Variants in PCK2 observed in about 807,000 individuals in gnomAD.
The protein encoded by PCK2 is phosphoenolpyruvate carboxykinase 2, mitochondrial, also known as phosphoenolpyruvate carboxykinase [GTP], mitochondrial.
In PCK2, 56 loss-of-function variants were observed where a neutral mutation model predicts 65.9. The ratio of observed to expected loss-of-function variants is 0.85; its 90% CI spans 0.69 to 1.06. The LOEUF is 1.06. Ranked by LOEUF, PCK2 falls within the 50% of genes least tolerant of loss-of-function variation. The probability of loss-of-function intolerance (pLI) is 0.00; values close to 1 mark genes in which losing one functional copy is unlikely to be tolerated. For missense variants in PCK2, 843 were observed against 863.1 expected, an observed-to-expected ratio of 0.98 and a Z score of 0.29; for synonymous variants, 305 against 319.6, an observed-to-expected ratio of 0.95 and a Z score of 0.49.
At chr14:24,099,333 C>G in intron 5 of PCK2, 97 bp downstream of exon 5, 6 of 1,253,068 alleles carry the variant, frequency 4.8e-6, no homozygotes, top group Non-Finnish European at 6.6e-6. Context: ...TGCCAGGTGC[C>G]AGGCTGGTGG....
chr14:24,099,505 A>G (rs1381827128), intron 5 of PCK2, 53 bp from the exon 6 acceptor site: 1 of 1,517,576 alleles, frequency 6.6e-7, no homozygotes, highest in Non-Finnish European at 8.9e-7. Context: ...CATGCAGACC[A>G]TGCCCTGACT....
Position 24,102,160 on chromosome 14 carries a change from G to A in PCK2, c.1235-593G>A, listed in dbSNP as rs142045881. 2.9e-3 allele frequency among the ~76,000 whole-genome samples: 434 copies of A among 152,168 alleles called. 1 individual carries two copies. The highest frequency in any genetic ancestry group is 9.9e-3 in the African/African-American group (410 of 41,514). ...GGAGAATTGTTTGAACCTGGGAGGCGGAGGTTGCAGTAAGCCAAGATTGCA... is the reference window on the plus strand; with the variant it reads ...GGAGAATTGTTTGAACCTGGGAGGCAGAGGTTGCAGTAAGCCAAGATTGCA... On this transcript the variant is annotated intron_variant, in intron 7 of 9. Transcript: ENST00000216780.
chr14:24,098,998 C>T (rs1404938515), intron 4 of PCK2, 51 bp from the exon 5 acceptor site: 1 of 1,436,854 alleles, frequency 7.0e-7, no homozygotes, highest in Non-Finnish European at 9.6e-7. Flanking sequence ...GGCCCCGACA[C>T]CCCAGTTCCT....
chr14:24,096,307 C>T (rs538604245), intron 1 of PCK2, among the ~76,000 whole-genome samples: 7 of 131,924 alleles, frequency 5.3e-5, no homozygotes, highest in East Asian at 2.5e-4. Context: ...GTCCCGATCT[C>T]GGCTCACTGC....
intron 7 of PCK2, 63 bp from the exon 8 acceptor site, chr14:24,102,690 G>A (rs1461569211): frequency 7.3e-7 from 1 of 1,379,216 alleles, no homozygotes; most frequent in African/African-American, 1.4e-5. Context: ...GTGTGCCCAT[G>A]TATGTGTGTG....
intron 2 of PCK2, among the ~76,000 whole-genome samples, chr14:24,097,390 A>G (rs1265294387): frequency 2.0e-5 from 2 of 100,876 alleles, no homozygotes; most frequent in African/African-American, 6.1e-5. Flanking sequence ...GTCTCTACTG[A>G]AAAAAAAAAA....
Position 24,099,073 on chromosome 14 carries a change from G to A in PCK2, c.689G>A (p.Cys230Tyr). 6.2e-7 allele frequency: 1 copy of A among 1,606,032 alleles called. No individual in the cohort carries two copies. The change falls in exon 5 of 10, where the codon TGC (cysteine) becomes TAC (tyrosine). Residue 230 changes from cysteine (C) to tyrosine (Y), a missense_variant. Physicochemically the swap from Cys to Tyr is radical, Grantham distance 194. Coordinates refer to ENST00000216780, the MANE Select transcript of PCK2 (RefSeq NM_004563.4). ...GQGEPVSQWP[C>Y]NPEKTLIGHV... is the part of the protein sequence containing the mutation. The stretch of plus-strand genomic sequence containing the variant: ...GGGGAGCCAGTGAGCCAGTGGCCGT[G>A]CAACCCAGAGAAAACCCTGATTGGC...
rs2037030900 is a variant in PCK2, at chr14:24,099,044, C to G, written c.665-5C>G. The G allele has an allele frequency of 1.3e-6, 2 of 1,596,672 alleles. No individual in the cohort carries two copies. The highest frequency in any genetic ancestry group is 2.7e-5 in the African/African-American group (2 of 74,662). On this transcript the variant is annotated splice_region_variant and splice_polypyrimidine_tract_variant and intron_variant, in intron 4 of 9. Transcript: ENST00000216780. ...CCAGCAGCCCCATGACCCCATTGTCCCCAGGGGAGCCAGTGAGCCAGTGGC... is the reference window on the plus strand; with the variant it reads ...CCAGCAGCCCCATGACCCCATTGTCGCCAGGGGAGCCAGTGAGCCAGTGGC...
chr14:24,102,610 C>T lies in PCK2; in HGVS notation c.1235-143C>T, dbSNP rs747172475. ...CTTGGAGATGCCCTGGCTCCCCTCT[C>T]TCTGCTCCTTATCACACAAGGTTCT... On this transcript the variant is annotated intron_variant, in intron 7 of 9. Transcript: ENST00000216780. 157 of 686,206 alleles carry T rather than the reference C, an allele frequency of 2.3e-4. 1 individual carries two copies. The highest frequency in any genetic ancestry group is 3.6e-4 in the Non-Finnish European group (145 of 404,002). 42.5% of individuals were successfully genotyped at this position (686,206 alleles called of 1,614,324 possible).
Position 24,103,639 on chromosome 14 carries a change from A to C in PCK2, c.1598A>C (p.Asn533Thr), listed in dbSNP as rs547986349. ...GAQLPRIFHV[N>T]WFRRDEAGHF... ...CAGCTGCCCCGTATCTTCCATGTCAACTGGTTCCGGCGTGACGAGGCAGGG... is the reference window on the plus strand; with the variant it reads ...CAGCTGCCCCGTATCTTCCATGTCACCTGGTTCCGGCGTGACGAGGCAGGG... Residue 533 changes from asparagine (N) to threonine (T), a missense_variant, in exon 10 of 10, where the codon AAC (asparagine) becomes ACC (threonine). Physicochemically the swap from Asn to Thr is moderately conservative, Grantham distance 65. Coordinates refer to ENST00000216780, the MANE Select transcript of PCK2 (RefSeq NM_004563.4). 5 of 1,614,022 alleles carry C rather than the reference A, an allele frequency of 3.1e-6. No individual in the cohort carries two copies. Among genetic ancestry groups the C allele is most frequent in the African/African-American group, 2.7e-5 (2 of 74,932 alleles).
At chr14:24,100,769 G>A (rs951963412) in intron 7 of PCK2, among the ~76,000 whole-genome samples, 29 of 152,076 alleles carry the variant, frequency 1.9e-4, no homozygotes, top group African/African-American at 5.6e-4. Context: ...TATTGTTACC[G>A]TCACCCTTCC....
intron 1 of PCK2, among the ~76,000 whole-genome samples, chr14:24,095,873 G>A (rs1194789250): frequency 6.6e-5 from 10 of 152,116 alleles, no homozygotes; most frequent in Admixed American, 2.6e-4. Context: ...TCAACCTTCC[G>A]CAGAGTTCAG....
In PCK2 at chr14:24,099,564, G is replaced by A; in HGVS notation, c.859G>A (p.Gly287Ser). The change falls in exon 6 of 10, where the codon GGC (glycine) becomes AGC (serine). Residue 287 changes from glycine to serine, a missense_variant. Coordinates refer to ENST00000216780, the MANE Select transcript of PCK2 (RefSeq NM_004563.4). Reference sequence around the variant, plus strand: ...CTCTCTCCCCAATGCACAGATCCTGGGCATCACCAGCCCTGCAGGGAAGAA... The same window carrying A: ...CTCTCTCCCCAATGCACAGATCCTGAGCATCACCAGCCCTGCAGGGAAGAA... ...GWLAEHMLIL[G>S]ITSPAGKKRY... 6.3e-7 allele frequency: 1 copy of A among 1,591,434 alleles called. No homozygotes were observed. Among genetic ancestry groups the A allele is most frequent in the Non-Finnish European group, 8.6e-7 (1 of 1,168,522 alleles).
rs753977292 is a variant in PCK2 at position 24,094,790 on chromosome 14, G to A, written c.29+356G>A. The A allele has an allele frequency of 1.5e-6, 2 of 1,374,088 alleles. No individual in the cohort carries two copies. The highest frequency in any genetic ancestry group is 1.9e-6 in the Non-Finnish European group (2 of 1,044,152). The allele number at this position is 1,374,088 out of a possible 1,614,324, so 85.1% of individuals were successfully genotyped here. A position where few individuals can be genotyped will look rare whatever the true frequency, so the allele number is the denominator to read the frequency against. ...GATACCTCCCTCGGACCTCTAACGGGCTCTCAGCCAGCGCCCCAGGGTACT... is the reference window on the plus strand; with the variant it reads ...GATACCTCCCTCGGACCTCTAACGGACTCTCAGCCAGCGCCCCAGGGTACT... On this transcript the variant is annotated intron_variant, in intron 1 of 9. Coordinates refer to ENST00000216780, the MANE Select transcript of PCK2 (RefSeq NM_004563.4). This position sits in a 1 kb window ranked among gnomAD's most constrained non-coding sequence, Gnocchi z 4.1.
chr14:24,097,094 G>A lies in PCK2; in HGVS notation c.232G>A (p.Glu78Lys). ...AENTATLTLL[E>K]QQGLIRKLPK... Reference sequence around the variant, plus strand: ...GAATACTGCCACACTGACCCTGCTGGAGCAGCAGGGCCTCATCCGAAAGCT... The same window carrying A: ...GAATACTGCCACACTGACCCTGCTGAAGCAGCAGGGCCTCATCCGAAAGCT... Residue 78 changes from glutamate to lysine, a missense_variant, in exon 2 of 10, where the codon GAG becomes AAG. Physicochemically the swap from Glu to Lys is moderately conservative, Grantham distance 56 (BLOSUM62 1). Coordinates refer to ENST00000216780, the MANE Select transcript of PCK2 (RefSeq NM_004563.4). 1 of 1,612,540 alleles carries A rather than the reference G, an allele frequency of 6.2e-7. No homozygotes were observed. Among genetic ancestry groups the A allele is most frequent in the Non-Finnish European group, 8.5e-7 (1 of 1,178,724 alleles).
rs768717840 is a variant in PCK2 at position 24,102,839 on chromosome 14, C to G, written c.1321C>G (p.Pro441Ala). 2 of 1,614,064 alleles carry G rather than the reference C, an allele frequency of 1.2e-6. No homozygotes were observed. Among genetic ancestry groups the G allele is most frequent in the Middle Eastern group, 1.7e-4 (1 of 6,046 alleles). The change falls in exon 8 of 10, where the codon CCA becomes GCA. Residue 441 changes from proline to alanine, a missense_variant. Pro to Ala is a conservative substitution (Grantham distance 27, BLOSUM62 -1). Transcript: ENST00000216780. ...CATCATGGACCCAGCCTGGGAGGCC[C>G]CAGAGGGTGTCCCCATTGACGCCAT... is the stretch of plus-strand genomic sequence containing the variant. ...CPIMDPAWEA[P>A]EGVPIDAIIF...
chr14:24,098,168 G>A (rs1318273439), intron 2 of PCK2, 35 bp from the exon 3 acceptor site: 72 of 1,558,268 alleles, frequency 4.6e-5, no homozygotes, highest in Non-Finnish European at 6.3e-5. Context: ...GAAACCTGCT[G>A]GCCACCATCT....
chr14:24,096,845 C>T, intron 1 of PCK2, 47 bp from the exon 2 acceptor site: 2 of 1,567,022 alleles, frequency 1.3e-6, no homozygotes, highest in Non-Finnish European at 1.7e-6. Flanking sequence ...CTGCCTTGTC[C>T]ACTCTCGATG....
At chr14:24,099,274 C>T (rs1426276342) in intron 5 of PCK2, 38 bp downstream of exon 5, 1 of 1,565,856 alleles carries the variant, frequency 6.4e-7, no homozygotes. Context: ...CTGCCGGGGA[C>T]AGGGCAGGGG....
Sources: allele counts gnomAD v4.1 joint callset (sites outside exome capture counted in the v4.1 genomes callset), GRCh38; gene constraint gnomAD v4.1.1; non-coding constraint Gnocchi (gnomAD v3.1); transcripts MANE v1.5; gene names NCBI Gene and HGNC (gene_info 2026-07-23, HGNC 2026-07-21).